ANOS1: variants seen among roughly 807,000 people sequenced by gnomAD.
ANOS1 encodes anosmin 1, also known as anosmin-1.
ANOS1 carries 6 observed loss-of-function variants against 59.0 expected under a neutral mutation model. The observed-to-expected ratio is 0.10, with a 90% confidence interval of 0.06 to 0.20. ANOS1 has a LOEUF of 0.20. ANOS1 is among the 10% of genes least tolerant of loss of function. The pLI is 1.00. For missense variants in ANOS1, 433 were observed against 542.3 expected, an observed-to-expected ratio of 0.80 and a Z score of 2.00; for synonymous variants, 217 against 223.4, an observed-to-expected ratio of 0.97 and a Z score of 0.25.
intron 1 of ANOS1, among the ~76,000 whole-genome samples, chrX:8,709,474 G>GTTTTC (rs1044388104): frequency 9.0e-6 from 1 of 111,589 alleles, no homozygotes; most frequent in African/African-American, 3.3e-5. Flanking sequence ...GAATTACATT[G>GTTTTC]TTTTCTTTTC....
chrX:8,633,977 G>A (rs765131446), intron 2 of ANOS1, among the ~76,000 whole-genome samples: 1 of 111,966 alleles, frequency 8.9e-6, no homozygotes, highest in Admixed American at 9.5e-5. Context: ...GAACATTATC[G>A]GGACAATCAG....
chrX:8,645,686 A>G (rs1441417897), intron 2 of ANOS1, among the ~76,000 whole-genome samples: 1 of 111,606 alleles, frequency 9.0e-6, no homozygotes, highest in Non-Finnish European at 1.9e-5. Flanking sequence ...CAGTGGTGCA[A>G]TCTTGGTTCA....
Position 8,597,161 on chromosome X carries a change from C to T in ANOS1, c.414G>A (p.Glu138=). The part of the protein sequence containing the change: ...LVKQGDCPAP[E]KASGFAAACV... Reference sequence around the variant, plus strand: ...AGGCGGCCGCAAATCCACTGGCTTTCTCAGGAGCCGGACAGTCCCCCTGCT... The same window carrying T: ...AGGCGGCCGCAAATCCACTGGCTTTTTCAGGAGCCGGACAGTCCCCCTGCT... The change falls in exon 4 of 14, where the codon GAG becomes GAA. Residue 138 remains glutamate (E), a synonymous_variant. Transcript: ENST00000262648. 3 of 1,211,805 alleles carry T rather than the reference C, an allele frequency of 2.5e-6. No individual in the cohort carries two copies. Among genetic ancestry groups the T allele is most frequent in the Non-Finnish European group, 3.4e-6 (3 of 895,518 alleles).
intron 2 of ANOS1, among the ~76,000 whole-genome samples, chrX:8,682,336 C>T (rs1932438236): frequency 9.5e-6 from 1 of 104,971 alleles, no homozygotes; most frequent in Admixed American, 1.0e-4. Context: ...TGGCTTTTTT[C>T]GGAAAACGAG....
chrX:8,585,381 C>T lies in ANOS1; in HGVS notation c.742G>A (p.Val248Ile). 8.3e-7 allele frequency: 1 copy of T among 1,211,391 alleles called. No individual in the cohort carries two copies. Among genetic ancestry groups the T allele is most frequent in the Admixed American group, 2.2e-5 (1 of 46,050 alleles). ...QTVAQTTDER[V>I]QLTDIRPSRW... is the part of the protein sequence containing the mutation. ...CTGGGTCTTATGTCAGTCAGTTGAA[C>T]TCGCTCGTCTGTGGTCTGAGGGGAC... The change falls in exon 6 of 14, where the codon GTT becomes ATT. Residue 248 changes from valine to isoleucine, a missense_variant. Val to Ile is a conservative substitution (Grantham distance 29). Transcript: ENST00000262648.
chrX:8,548,584 C>T (rs1423071010), intron 9 of ANOS1, among the ~76,000 whole-genome samples: 2 of 112,348 alleles, frequency 1.8e-5, no homozygotes, highest in Admixed American at 1.9e-4. Context: ...AGAACAAATC[C>T]TGACATGTCA....
At chrX:8,680,757 T>C (rs1602021890) in intron 2 of ANOS1, among the ~76,000 whole-genome samples, 3 of 111,787 alleles carry the variant, frequency 2.7e-5, no homozygotes, top group Non-Finnish European at 5.6e-5. Flanking sequence ...GATCAGGTTA[T>C]GTATGGTACA....
At chrX:8,646,502 A>G (rs1445390013) in intron 2 of ANOS1, among the ~76,000 whole-genome samples, 2 of 111,016 alleles carry the variant, frequency 1.8e-5, no homozygotes, top group African/African-American at 6.6e-5. Flanking sequence ...ATAAATGTGA[A>G]CGCTAACACT....
chrX:8,726,316 A>AC (rs1206603616), intron 1 of ANOS1, among the ~76,000 whole-genome samples: 1 of 111,650 alleles, frequency 9.0e-6, no homozygotes, highest in African/African-American at 3.3e-5. Context: ...TCTGATCTCT[A>AC]ATCAGCTACC....
intron 2 of ANOS1, among the ~76,000 whole-genome samples, chrX:8,692,281 T>C (rs993836835): frequency 6.2e-5 from 7 of 112,177 alleles, no homozygotes; most frequent in African/African-American, 2.3e-4. Context: ...TCTTGGTCTA[T>C]GTATTTTCTA....
At chrX:8,665,105 G>A (rs745891613) in intron 2 of ANOS1, among the ~76,000 whole-genome samples, 90 of 111,642 alleles carry the variant, frequency 8.1e-4, no homozygotes, top group African/African-American at 2.6e-3. Flanking sequence ...AAGGCGGGAC[G>A]TGCTCCCAGA....
At chrX:8,642,373 A>C (rs1931679549) in intron 2 of ANOS1, among the ~76,000 whole-genome samples, 1 of 105,403 alleles carries the variant, frequency 9.5e-6, no homozygotes, top group Non-Finnish European at 1.9e-5. Context: ...AATTGGAGGG[A>C]AAGGGAAGCG....
intron 2 of ANOS1, among the ~76,000 whole-genome samples, chrX:8,681,789 T>C (rs182426595): frequency 1.8e-5 from 2 of 112,348 alleles, no homozygotes; most frequent in East Asian, 2.8e-4. Context: ...GCAAATGGTA[T>C]TCATTTATGT....
chrX:8,554,397 A>G (rs1236422422), intron 8 of ANOS1, among the ~76,000 whole-genome samples: 1 of 111,155 alleles, frequency 9.0e-6, no homozygotes, highest in Non-Finnish European at 1.9e-5. Context: ...GGACAGTGCT[A>G]TCCAGCACAG....
rs1929897746 is a variant in ANOS1 at position 8,553,942 on chromosome X, G to A, written c.1354+10C>T. 1 of 1,200,205 alleles carries A rather than the reference G, an allele frequency of 8.3e-7. No individual in the cohort carries two copies. Among genetic ancestry groups the A allele is most frequent in the Non-Finnish European group, 1.1e-6 (1 of 886,624 alleles). On this transcript the variant is annotated intron_variant, in intron 9 of 13. Coordinates refer to ENST00000262648, the MANE Select transcript of ANOS1 (RefSeq NM_000216.4). ...AGCAAGTAAGAAATAAGTAAGTAAT[G>A]TTTATGTACCTTCTGTCTTCTTCCA...
intron 2 of ANOS1, among the ~76,000 whole-genome samples, chrX:8,695,718 A>C (rs992597702): frequency 9.1e-6 from 1 of 110,228 alleles, no homozygotes; most frequent in African/African-American, 3.3e-5. Flanking sequence ...AAAAAAAAAA[A>C]ACCTAGTGCA....
At chrX:8,685,658 AAAAG>A (rs1569082683) in intron 2 of ANOS1, among the ~76,000 whole-genome samples, 2 of 96,963 alleles carry the variant, frequency 2.1e-5, no homozygotes, top group Non-Finnish European at 4.2e-5. Flanking sequence ...GAAAGAAAGA[AAAAG>A]AAAGGAAGGA....
rs1569092120 is a variant in ANOS1 at position 8,725,593 on chromosome X, CAGATAT to C, written c.207+6231_207+6236del. On this transcript the variant is annotated intron_variant, in intron 1 of 13. Transcript: ENST00000262648. ...ATACATATATACAGATATATATATACAGATATATATATACAGATATATATATATACA... is the reference window on the plus strand; with the variant it reads ...ATACATATATACAGATATATATATACATATATACAGATATATATATATACA... 4.2e-4 allele frequency among the ~76,000 whole-genome samples: 30 copies of C among 70,906 alleles called. 1 individual carries two copies. In the South Asian group the frequency reaches 8.9e-3, roughly 21 times the overall value. The allele number at this position is 70,906 out of a possible 115,157, so 61.6% of individuals were successfully genotyped here.
At chrX:8,650,412 A>C (rs896759997) in intron 2 of ANOS1, among the ~76,000 whole-genome samples, 24 of 112,309 alleles carry the variant, frequency 2.1e-4, no homozygotes, top group African/African-American at 7.8e-4. Flanking sequence ...TTTCAAGAGG[A>C]TAGCAAAAAA....
Sources: allele counts gnomAD v4.1 joint callset (sites outside exome capture counted in the v4.1 genomes callset), GRCh38; gene constraint gnomAD v4.1.1; transcripts MANE v1.5; gene names NCBI Gene and HGNC (gene_info 2026-07-23, HGNC 2026-07-21).